The following GLCE variants were observed in gnomAD, a reference collection of about 807,000 sequenced individuals.
GLCE encodes the protein glucuronic acid epimerase.
In GLCE, 19 loss-of-function variants were observed where a neutral mutation model predicts 47.9. The observed-to-expected ratio is 0.40, with a 90% CI of 0.28 to 0.58. The LOEUF (loss-of-function observed/expected upper bound fraction) is 0.58. Ranked by LOEUF, GLCE falls within the 20% of genes least tolerant of loss-of-function variation. The pLI, the probability that GLCE is intolerant of heterozygous loss-of-function variation, is 0.48. For missense variants in GLCE, 556 were observed against 743.3 expected (o/e 0.75, Z 2.93); for synonymous variants, 245 against 263.4 (o/e 0.93, Z 0.68).
chr15:69,265,625 A>G (rs965450383), intron 4 of GLCE, among the ~76,000 whole-genome samples: 2 of 152,174 alleles, frequency 1.3e-5, no homozygotes, highest in Non-Finnish European at 2.9e-5. Context: ...GACATCGTTC[A>G]TTACTGAGTT....
intron 1 of GLCE, among the ~76,000 whole-genome samples, chr15:69,210,105 G>A (rs2052210470): frequency 6.6e-6 from 1 of 152,062 alleles, no homozygotes; most frequent in Non-Finnish European, 1.5e-5. Flanking sequence ...AAGCAGAGGG[G>A]GAAATAAATG....
intron 2 of GLCE, among the ~76,000 whole-genome samples, chr15:69,253,080 A>G (rs2052869409): frequency 6.6e-6 from 1 of 152,218 alleles, no homozygotes; most frequent in Admixed American, 6.5e-5. Context: ...ATAGTTGAAC[A>G]GATTTCCAGA....
At chr15:69,223,349 T>TTTTG (rs769749074) in intron 2 of GLCE, among the ~76,000 whole-genome samples, 7 of 152,128 alleles carry the variant, frequency 4.6e-5, no homozygotes, top group Non-Finnish European at 7.4e-5. Context: ...TGACAGATTT[T>TTTTG]TTTGTTTGTT....
intron 1 of GLCE, among the ~76,000 whole-genome samples, chr15:69,164,816 T>G (rs755740331): frequency 1.3e-5 from 2 of 152,160 alleles, no homozygotes; most frequent in Non-Finnish European, 2.9e-5. Flanking sequence ...CTTTATCTGT[T>G]AAAGCATTAT....
intron 2 of GLCE, among the ~76,000 whole-genome samples, chr15:69,210,923 G>A (rs1190313332): frequency 6.6e-6 from 1 of 152,100 alleles, no homozygotes; most frequent in African/African-American, 2.4e-5. Context: ...GCCCTTTTAG[G>A]AAAGTTTGCT....
At chr15:69,264,601 TG>T (rs1248381587) in intron 4 of GLCE, among the ~76,000 whole-genome samples, 2 of 152,192 alleles carry the variant, frequency 1.3e-5, no homozygotes, top group Non-Finnish European at 2.9e-5. Flanking sequence ...TTTAATTTTT[TG>T]AGGAACCTCC....
chr15:69,261,049 C>G, intron 3 of GLCE, 38 bp from the exon 4 acceptor site: 1 of 1,582,478 alleles, frequency 6.3e-7, no homozygotes, highest in African/African-American at 1.3e-5. Flanking sequence ...CTTGTAATGT[C>G]TGGATATGAT....
intron 1 of GLCE, among the ~76,000 whole-genome samples, chr15:69,188,022 C>G (rs2051851311): frequency 6.6e-6 from 1 of 152,106 alleles, no homozygotes; most frequent in South Asian, 2.1e-4. Flanking sequence ...AGAGCTCGCC[C>G]CACTGCACTC....
At chr15:69,223,349 TTTTG>T (rs769749074) in intron 2 of GLCE, among the ~76,000 whole-genome samples, 20 of 152,128 alleles carry the variant, frequency 1.3e-4, no homozygotes, top group Non-Finnish European at 2.6e-4. Flanking sequence ...TGACAGATTT[TTTTG>T]TTTGTTTGTT....
rs1415517353 is a variant in GLCE, at chr15:69,203,057, A to G, written c.-104-7259A>G. 3.3e-5 allele frequency among the ~76,000 whole-genome samples: 5 copies of G among 152,156 alleles called. No individual in the cohort carries two copies. The South Asian group carries it at 1.0e-3, about 32-fold the overall frequency. ...ATTTGGGTGAAGGAAAGTAGTAGCT[A>G]CTTTTATAGAGATAGGTGGTTCAAT... is the stretch of plus-strand genomic sequence containing the variant. On this transcript the variant is annotated intron_variant, in intron 1 of 4. Coordinates refer to ENST00000261858, the MANE Select transcript of GLCE (RefSeq NM_015554.3).
At chr15:69,184,642 G>T (rs1566949740) in intron 1 of GLCE, among the ~76,000 whole-genome samples, 1 of 152,180 alleles carries the variant, frequency 6.6e-6, no homozygotes, top group Non-Finnish European at 1.5e-5. Flanking sequence ...ACACAATGAA[G>T]AAATTTATTA....
At chr15:69,193,858 A>T (rs956559134) in intron 1 of GLCE, among the ~76,000 whole-genome samples, 2 of 152,122 alleles carry the variant, frequency 1.3e-5, no homozygotes, top group Admixed American at 1.3e-4. Context: ...TCAAACCATT[A>T]TTAACTAGAT....
chr15:69,268,631 G>A lies in GLCE; in HGVS notation c.1241G>A (p.Arg414Lys), dbSNP rs1400276972. 1.2e-6 allele frequency: 2 copies of A among 1,614,096 alleles called. No individual in the cohort carries two copies. The highest frequency in any genetic ancestry group is 1.7e-6 in the Non-Finnish European group (2 of 1,180,050). The change falls in exon 5 of 5, where the codon AGG becomes AAG. Residue 414 changes from arginine (R) to lysine (K), a missense_variant. Physicochemically the swap from Arg to Lys is conservative, Grantham distance 26. This residue lies in a region of GLCE where 245 missense variants were observed against 368.1 expected (regional missense o/e 0.67). Coordinates refer to ENST00000261858, the MANE Select transcript of GLCE (RefSeq NM_015554.3). The stretch of plus-strand genomic sequence containing the variant: ...TTTGCTGCTAGTGATTGGCTAGTAA[G>A]GAACCAGGATGAGAAAGGTGGCTGG... The part of the protein sequence containing the change: ...AFFAASDWLV[R>K]NQDEKGGWPI...
chr15:69,231,910 A>ATCTGAGCTCACTGCAACCTCC (rs2052528763), intron 2 of GLCE, among the ~76,000 whole-genome samples: 1 of 151,970 alleles, frequency 6.6e-6, no homozygotes, highest in Non-Finnish European at 1.5e-5. Flanking sequence ...CTCCTGCCTG[A>ATCTGAGCTCACTGCAACCTCC]GCCTCCCAAG....
chr15:69,221,373 A>G (rs1288110815), intron 2 of GLCE, among the ~76,000 whole-genome samples: 1 of 152,172 alleles, frequency 6.6e-6, no homozygotes, highest in Non-Finnish European at 1.5e-5. Flanking sequence ...CTTCCAATCC[A>G]TGAACATGCG....
intron 1 of GLCE, among the ~76,000 whole-genome samples, chr15:69,184,030 C>T (rs1211160005): frequency 2.0e-5 from 3 of 152,154 alleles, no homozygotes; most frequent in East Asian, 1.9e-4. Context: ...TGGAGAATAG[C>T]GACAACTCTA....
chr15:69,235,807 A>C (rs936763086), intron 2 of GLCE, among the ~76,000 whole-genome samples: 4 of 152,206 alleles, frequency 2.6e-5, no homozygotes, highest in African/African-American at 9.7e-5. Context: ...TATAGTTTAC[A>C]TAAAATAAAA....
At chr15:69,226,047 GACACACACAC>G (rs36218660) in intron 2 of GLCE, among the ~76,000 whole-genome samples, 2 of 59,578 alleles carry the variant, frequency 3.4e-5, no homozygotes, top group East Asian at 5.2e-4. Flanking sequence ...CGCATGCACA[GACACACACAC>G]ACACACACAC....
intron 1 of GLCE, among the ~76,000 whole-genome samples, chr15:69,175,065 C>T (rs1237401490): frequency 2.6e-5 from 4 of 151,904 alleles, no homozygotes; most frequent in South Asian, 2.1e-4. Context: ...TTTACAGACT[C>T]GGTGGTTGAA....
Sources: allele counts gnomAD v4.1 joint callset (sites outside exome capture counted in the v4.1 genomes callset), GRCh38; gene constraint gnomAD v4.1.1; regional missense constraint gnomAD v4.1.1; transcripts MANE v1.5; gene names NCBI Gene and HGNC (gene_info 2026-07-23, HGNC 2026-07-21).